The following OSBPL3 variants were observed in gnomAD, a reference collection of about 807,000 sequenced individuals.
OSBPL3 encodes oxysterol-binding protein-related protein 3.
Under a neutral mutation model 120.1 loss-of-function variants are expected in OSBPL3, and 65 were observed. That is an observed-to-expected ratio of 0.54 (90% CI 0.44 to 0.67). OSBPL3 has a LOEUF of 0.67. Ranked by LOEUF, OSBPL3 falls within the 30% of genes least tolerant of loss-of-function variation. OSBPL3 has a pLI of 0.00. For missense variants in OSBPL3, 1,004 were observed against 1,082.1 expected, an observed-to-expected ratio of 0.93 and a Z score of 1.01; for synonymous variants, 416 against 402.6, an observed-to-expected ratio of 1.03 and a Z score of -0.40.
At position 24,819,549 on chromosome 7, in the gene OSBPL3, T is replaced by A. The variant is rs186529219; in HGVS notation, c.1948+626A>T. Among the ~76,000 whole-genome samples the A allele has an allele frequency of 6.6e-6, 1 of 152,206 alleles. No homozygotes were observed. Among genetic ancestry groups the A allele is most frequent in the East Asian group, 1.9e-4 (1 of 5,202 alleles). On this transcript the variant is annotated intron_variant, in intron 17 of 22. Coordinates refer to ENST00000313367, the MANE Select transcript of OSBPL3 (RefSeq NM_015550.4). The surrounding 1 kb of genome is among the most constrained non-coding windows in gnomAD (Gnocchi z 4.1). Reference sequence around the variant, plus strand: ...AAGTTTAATAGACTGCGTGTGTGTGTGTGCCTGTGTGTGTAAAGGTAACGT... The same window carrying A: ...AAGTTTAATAGACTGCGTGTGTGTGAGTGCCTGTGTGTGTAAAGGTAACGT...
chr7:24,853,670 T>C (rs1236132753), intron 10 of OSBPL3, among the ~76,000 whole-genome samples: 2 of 152,238 alleles, frequency 1.3e-5, no homozygotes, highest in African/African-American at 4.8e-5. Context: ...TAACAGAGTA[T>C]TCCTATTTTA....
intron 12 of OSBPL3, among the ~76,000 whole-genome samples, chr7:24,847,472 C>T (rs1308515325): frequency 6.6e-6 from 1 of 152,182 alleles, no homozygotes; most frequent in Non-Finnish European, 1.5e-5. Flanking sequence ...CTCTCAAGGA[C>T]AGTGTATAGC....
rs376049306 is a variant in OSBPL3, at chr7:24,801,909, C to T, written c.2568-1630G>A. ...TGGACCACAATTTACTTAATAGGTA[C>T]CCCACTGATGGGTACTTAGGTTATT... is the stretch of plus-strand genomic sequence containing the variant. On this transcript the variant is annotated intron_variant, in intron 22 of 22. Coordinates refer to ENST00000313367, the MANE Select transcript of OSBPL3 (RefSeq NM_015550.4). Among the ~76,000 whole-genome samples the T allele has an allele frequency of 2.0e-4, 31 of 152,268 alleles. 1 individual carries two copies. The highest frequency in any genetic ancestry group is 7.8e-4 in the Admixed American group (12 of 15,292).
In OSBPL3 at chr7:24,806,732, G is replaced by C. The variant is rs1793091258; in HGVS notation, c.2444+44C>G. The stretch of plus-strand genomic sequence containing the variant: ...GATTGTTAATAAGACTTTTTGTAAA[G>C]GGTTTTACATCTCTGGAGAGAAAAA... On this transcript the variant is annotated intron_variant, in intron 21 of 22. Transcript: ENST00000313367. The surrounding 1 kb of genome is among the most constrained non-coding windows in gnomAD (Gnocchi z 5.2). The C allele has an allele frequency of 2.4e-5, 38 of 1,585,418 alleles. No homozygotes were observed. Among genetic ancestry groups the C allele is most frequent in the Non-Finnish European group, 3.2e-5 (37 of 1,163,748 alleles).
At chr7:24,929,657 G>A (rs1811542504) in intron 1 of OSBPL3, among the ~76,000 whole-genome samples, 1 of 152,058 alleles carries the variant, frequency 6.6e-6, no homozygotes, top group South Asian at 2.1e-4. Context: ...TCAATGGAAG[G>A]CTCCCTCCTT....
intron 1 of OSBPL3, 90 bp from the exon 2 acceptor site, chr7:24,892,711 A>G (rs1805550019): frequency 1.2e-6 from 1 of 868,458 alleles, no homozygotes; most frequent in South Asian, 3.7e-5. Flanking sequence ...TAAACATACT[A>G]CAGATTACAG....
rs562052544 is a variant in OSBPL3, at chr7:24,879,803, A to C, written c.97-7734T>G. Among the ~76,000 whole-genome samples the C allele has an allele frequency of 6.6e-6, 1 of 152,240 alleles. No homozygotes were observed. The highest frequency in any genetic ancestry group is 2.4e-5 in the African/African-American group (1 of 41,458). On this transcript the variant is annotated intron_variant, in intron 2 of 22. Transcript: ENST00000313367. The surrounding 1 kb of genome is among the most constrained non-coding windows in gnomAD (Gnocchi z 5.6). Reference sequence around the variant, plus strand: ...CATTAATAAAAACACTTCAATGTACATATGACTATTTCCACGCTGTTGATC... The same window carrying C: ...CATTAATAAAAACACTTCAATGTACCTATGACTATTTCCACGCTGTTGATC...
At position 24,931,138 on chromosome 7, in the gene OSBPL3, G is replaced by T. The variant is rs1296860353; in HGVS notation, c.-149-38517C>A. Among the ~76,000 whole-genome samples the T allele has an allele frequency of 6.6e-5, 10 of 152,154 alleles. 1 individual carries two copies. Among genetic ancestry groups the T allele is most frequent in the Admixed American group, 6.5e-4 (10 of 15,282 alleles). ...TAGAATAGGTCTTTTCTAAAAGGAG[G>T]TATTCATTGTGGGGCACAGAGGGAG... On this transcript the variant is annotated intron_variant, in intron 1 of 22. Coordinates refer to ENST00000313367, the MANE Select transcript of OSBPL3 (RefSeq NM_015550.4).
intron 1 of OSBPL3, among the ~76,000 whole-genome samples, chr7:24,979,010 G>A (rs1249912559): frequency 6.6e-6 from 1 of 152,214 alleles, no homozygotes; most frequent in African/African-American, 2.4e-5. Flanking sequence ...GACTCCAGAG[G>A]CCACAAACGC....
chr7:24,886,493 T>C (rs1804548360), intron 2 of OSBPL3, among the ~76,000 whole-genome samples: 1 of 152,238 alleles, frequency 6.6e-6, no homozygotes, highest in East Asian at 1.9e-4. Context: ...TAAGAATCTG[T>C]GGGCTTTTTG....
chr7:24,897,837 A>G (rs1014616042), intron 1 of OSBPL3, among the ~76,000 whole-genome samples: 3 of 152,262 alleles, frequency 2.0e-5, no homozygotes, highest in Non-Finnish European at 2.9e-5. Flanking sequence ...AAAGTGGCAT[A>G]TAACACAGCT....
At chr7:24,921,503 G>A (rs1200764252) in intron 1 of OSBPL3, among the ~76,000 whole-genome samples, 2 of 152,148 alleles carry the variant, frequency 1.3e-5, no homozygotes, top group African/African-American at 2.4e-5. Flanking sequence ...CCAGCCCAGA[G>A]AGGCCTATGC....
In OSBPL3 at chr7:24,871,684, C is replaced by A. The variant is rs181238552; in HGVS notation, c.267+58G>T. The A allele has an allele frequency of 4.4e-4, 554 of 1,246,172 alleles. No homozygotes were observed. The African/African-American group carries it at 5.5e-3, about 12-fold the overall frequency. 77.2% of individuals were successfully genotyped at this position (1,246,172 alleles called of 1,614,324 possible). A position where few individuals can be genotyped will look rare whatever the true frequency, so the allele number is the denominator to read the frequency against. ...AACTATACACACTCTCATCTCTGAG[C>A]TGATGGTTACCCCTTTAGGATTCTT... On this transcript the variant is annotated intron_variant, in intron 4 of 22. Coordinates refer to ENST00000313367, the MANE Select transcript of OSBPL3 (RefSeq NM_015550.4). The surrounding 1 kb of genome is among the most constrained non-coding windows in gnomAD (Gnocchi z 4.8).
Position 24,972,582 on chromosome 7 carries a change from T to C in OSBPL3, c.-150+7304A>G, listed in dbSNP as rs1817148458. On this transcript the variant is annotated intron_variant, in intron 1 of 22. Coordinates refer to ENST00000313367, the MANE Select transcript of OSBPL3 (RefSeq NM_015550.4). This position sits in a 1 kb window ranked among gnomAD's most constrained non-coding sequence, Gnocchi z 4.3. ...ATCGCCACATCCCCTGCACCCAGCC[T>C]GGTGTCTGGCACATGGCATGTGCTT... 1.3e-5 allele frequency among the ~76,000 whole-genome samples: 2 copies of C among 152,244 alleles called. No homozygotes were observed. Among genetic ancestry groups the C allele is most frequent in the Non-Finnish European group, 2.9e-5 (2 of 68,042 alleles).
rs1232868096 is a variant in OSBPL3, at chr7:24,955,721, TTTA to T, written c.-150+24162_-150+24164del. The stretch of plus-strand genomic sequence containing the variant: ...CACTTACTATCACCTGACATACATA[TTTA>T]TTTGCTTATAATGCAAACTCCATGA... On this transcript the variant is annotated intron_variant, in intron 1 of 22. Coordinates refer to ENST00000313367, the MANE Select transcript of OSBPL3 (RefSeq NM_015550.4). The surrounding 1 kb of genome is among the most constrained non-coding windows in gnomAD (Gnocchi z 4.3). Among the ~76,000 whole-genome samples, 4 of 152,236 alleles carry T rather than the reference TTTA, an allele frequency of 2.6e-5. No individual in the cohort carries two copies. The highest frequency in any genetic ancestry group is 9.6e-5 in the African/African-American group (4 of 41,458).
At chr7:24,976,922 C>T (rs79449997) in intron 1 of OSBPL3, among the ~76,000 whole-genome samples, 2,815 of 152,304 alleles carry the variant, frequency 0.018, 44 homozygotes, top group Middle Eastern at 0.031. Flanking sequence ...CTCTGTTTTG[C>T]CATGAGCCCC....
chr7:24,919,245 T>C (rs890810910), intron 1 of OSBPL3, among the ~76,000 whole-genome samples: 4 of 152,156 alleles, frequency 2.6e-5, no homozygotes, highest in Non-Finnish European at 5.9e-5. Context: ...AGTCACACTT[T>C]GTGATTTCAA....
chr7:24,839,283 C>T (rs1306538844), intron 14 of OSBPL3, among the ~76,000 whole-genome samples: 2 of 152,116 alleles, frequency 1.3e-5, no homozygotes, highest in Non-Finnish European at 2.9e-5. Flanking sequence ...CTACGAGGAC[C>T]CATGCAGAGA....
At chr7:24,907,495 A>T (rs1243643627) in intron 1 of OSBPL3, among the ~76,000 whole-genome samples, 1 of 152,092 alleles carries the variant, frequency 6.6e-6, no homozygotes, top group Non-Finnish European at 1.5e-5. Flanking sequence ...TCCTTGCCAG[A>T]CATCACTCAG....
Sources: allele counts gnomAD v4.1 joint callset (sites outside exome capture counted in the v4.1 genomes callset), GRCh38; gene constraint gnomAD v4.1.1; non-coding constraint Gnocchi (gnomAD v3.1); transcripts MANE v1.5; gene names NCBI Gene and HGNC (gene_info 2026-07-23, HGNC 2026-07-21).